Variants in CYP7B1 observed in about 807,000 individuals in gnomAD.
The protein encoded by CYP7B1 is cytochrome P450 family 7 subfamily B member 1, also known as cytochrome P450 7B1.
A neutral mutation model predicts 42.7 loss-of-function variants in CYP7B1; 29 were observed. The observed-to-expected ratio is 0.68, with a 90% confidence interval of 0.51 to 0.93. The LOEUF is 0.93. Ranked by LOEUF, CYP7B1 falls within the 40% of genes least tolerant of loss-of-function variation. The pLI, the probability that CYP7B1 is intolerant of heterozygous loss-of-function variation, is 0.00. For synonymous variants in CYP7B1, 235 were observed against 218.2 expected, an observed-to-expected ratio of 1.08 and a Z score of -0.68; for missense variants, 655 against 600.5, an observed-to-expected ratio of 1.09 and a Z score of -0.95.
intron 1 of CYP7B1, among the ~76,000 whole-genome samples, chr8:64,702,616 A>C (rs947293473): frequency 1.3e-5 from 2 of 152,092 alleles, no homozygotes; most frequent in African/African-American, 4.8e-5. Context: ...ACTGTGAAGG[A>C]ACTATTGAAG....
chr8:64,677,982 C>T (rs190835999), intron 1 of CYP7B1, among the ~76,000 whole-genome samples: 1 of 152,170 alleles, frequency 6.6e-6, no homozygotes, highest in East Asian at 1.9e-4. Context: ...CCAGCAAATG[C>T]TGTTTCTACC....
chr8:64,600,724 A>G (rs938412098), intron 5 of CYP7B1, among the ~76,000 whole-genome samples: 5 of 152,156 alleles, frequency 3.3e-5, no homozygotes, highest in Non-Finnish European at 7.4e-5. Context: ...CCAAAGGGGT[A>G]GTTTATACTA....
intron 1 of CYP7B1, among the ~76,000 whole-genome samples, chr8:64,756,175 C>A (rs372716857): frequency 9.2e-5 from 14 of 152,202 alleles, no homozygotes; most frequent in South Asian, 2.1e-4. Flanking sequence ...CATTTCCCCC[C>A]CTCTAGTCCT....
chr8:64,738,371 AT>A (rs202084855), intron 1 of CYP7B1, among the ~76,000 whole-genome samples: 2,634 of 152,292 alleles, frequency 0.017, 28 homozygotes, highest in Middle Eastern at 0.027. Flanking sequence ...AGAAAAAAAA[AT>A]CTTCTCAAAG....
At chr8:64,763,727 G>A (rs995376353) in intron 1 of CYP7B1, among the ~76,000 whole-genome samples, 2 of 152,180 alleles carry the variant, frequency 1.3e-5, no homozygotes, top group South Asian at 2.1e-4. Flanking sequence ...TGGGGAAGCC[G>A]AGGCCGCCTA....
At chr8:64,683,721 T>C (rs60266549) in intron 1 of CYP7B1, among the ~76,000 whole-genome samples, 206 of 152,318 alleles carry the variant, frequency 1.4e-3, no homozygotes, top group African/African-American at 4.6e-3. Context: ...CCTATAAATA[T>C]ATACACCTAC....
intron 1 of CYP7B1, among the ~76,000 whole-genome samples, chr8:64,696,712 G>C (rs1189259650): frequency 6.6e-6 from 1 of 152,068 alleles, no homozygotes; most frequent in African/African-American, 2.4e-5. Flanking sequence ...CCCATTCTTT[G>C]TGTCATATTG....
intron 1 of CYP7B1, among the ~76,000 whole-genome samples, chr8:64,626,973 C>T (rs1805618768): frequency 6.6e-6 from 1 of 152,134 alleles, no homozygotes; most frequent in South Asian, 2.1e-4. Flanking sequence ...CACAATCCAA[C>T]ATGGTAGAAT....
At chr8:64,745,215 T>A (rs990593989) in intron 1 of CYP7B1, among the ~76,000 whole-genome samples, 2 of 152,030 alleles carry the variant, frequency 1.3e-5, no homozygotes, top group African/African-American at 4.8e-5. Context: ...CAGTATAATG[T>A]TCATTTTGTA....
intron 1 of CYP7B1, among the ~76,000 whole-genome samples, chr8:64,703,622 T>C (rs1806950510): frequency 6.6e-6 from 1 of 151,966 alleles, no homozygotes; most frequent in Non-Finnish European, 1.5e-5. Flanking sequence ...CAGCTGTTGG[T>C]CAACGGCTCT....
intron 1 of CYP7B1, among the ~76,000 whole-genome samples, chr8:64,751,844 A>G (rs1336405059): frequency 6.6e-6 from 1 of 152,138 alleles, no homozygotes; most frequent in Non-Finnish European, 1.5e-5. Context: ...CAGACCGTAA[A>G]CCTGGGCATG....
chr8:64,659,440 C>T (rs543806003), intron 1 of CYP7B1, among the ~76,000 whole-genome samples: 1 of 152,186 alleles, frequency 6.6e-6, no homozygotes, highest in Admixed American at 6.5e-5. Flanking sequence ...AGAATTCTTG[C>T]AGTGATTTAA....
chr8:64,688,825 A>G (rs1806695987), intron 1 of CYP7B1, among the ~76,000 whole-genome samples: 1 of 152,214 alleles, frequency 6.6e-6, no homozygotes, highest in Non-Finnish European at 1.5e-5. Flanking sequence ...TACTCAGGAG[A>G]CTGAGGTGGG....
intron 1 of CYP7B1, among the ~76,000 whole-genome samples, chr8:64,756,133 G>T (rs965804946): frequency 2.0e-5 from 3 of 152,066 alleles, no homozygotes; most frequent in South Asian, 2.1e-4. Flanking sequence ...TCTGTAATTC[G>T]ACTTCATGTC....
Position 64,596,506 on chromosome 8 carries a change from T to C in CYP7B1, c.*136A>G. 1.1e-6 allele frequency: 1 copy of C among 879,832 alleles called. No homozygotes were observed. Among genetic ancestry groups the C allele is most frequent in the Non-Finnish European group, 1.7e-6 (1 of 585,246 alleles). The allele number at this position is 879,832 out of a possible 1,614,324, so 54.5% of individuals were successfully genotyped here. ...CTTTGTGACTAAGGACAAACTGGAC[T>C]GATATCAGATCAAATAGAAATTAGC... On this transcript the variant is annotated 3_prime_UTR_variant, in exon 6 of 6. Transcript: ENST00000310193.
intron 5 of CYP7B1, among the ~76,000 whole-genome samples, chr8:64,599,734 A>T (rs1200934438): frequency 6.6e-6 from 1 of 152,174 alleles, no homozygotes; most frequent in Non-Finnish European, 1.5e-5. Context: ...GAATTGTGAA[A>T]CAATCTGGTG....
chr8:64,744,376 A>G (rs1807612874), intron 1 of CYP7B1, among the ~76,000 whole-genome samples: 1 of 152,000 alleles, frequency 6.6e-6, no homozygotes. Flanking sequence ...TTCTCATTAC[A>G]TAGGCCTGCC....
chr8:64,670,248 G>A (rs546597261), intron 1 of CYP7B1, among the ~76,000 whole-genome samples: 40 of 152,254 alleles, frequency 2.6e-4, no homozygotes, highest in African/African-American at 9.4e-4. Context: ...AAAGCAAGGA[G>A]AACACCTCAC....
intron 1 of CYP7B1, among the ~76,000 whole-genome samples, chr8:64,676,892 G>T (rs142708733): frequency 6.6e-6 from 1 of 151,946 alleles, no homozygotes; most frequent in African/African-American, 2.4e-5. Context: ...CACCATAGCC[G>T]TCTGCTAATG....
Sources: gnomAD v4.1 joint callset for allele counts (sites outside exome capture counted in the v4.1 genomes callset) on GRCh38, gnomAD v4.1.1 for gene constraint, MANE v1.5 for transcripts, NCBI Gene and HGNC (gene_info 2026-07-23, HGNC 2026-07-21) for gene names.